Variants in TSNARE1 observed in about 807,000 individuals in gnomAD.
TSNARE1 encodes the protein t-SNARE domain containing 1.
In TSNARE1, 49 loss-of-function variants were observed where a neutral mutation model predicts 62.0. The ratio of observed to expected loss-of-function variants is 0.79; its 90% CI spans 0.63 to 1.00. The LOEUF is 1.00. Ranked by LOEUF, TSNARE1 falls within the 50% of genes least tolerant of loss-of-function variation. The probability of loss-of-function intolerance (pLI) is 0.00; values close to 1 mark genes in which losing one functional copy is unlikely to be tolerated. For synonymous variants in TSNARE1, 328 were observed against 294.4 expected (o/e 1.11, Z -1.17); for missense variants, 755 against 700.1 (o/e 1.08, Z -0.88).
chr8:142,327,598 G>C (rs1467851912), intron 6 of TSNARE1, among the ~76,000 whole-genome samples: 1 of 152,198 alleles, frequency 6.6e-6, no homozygotes, highest in Non-Finnish European at 1.5e-5. Flanking sequence ...TTCACACCCT[G>C]CTGGCCACCC....
rs766508125 is a variant in TSNARE1 at position 142,300,597 on chromosome 8, A to G, written c.1179T>C (p.Phe393=). The G allele has an allele frequency of 6.2e-7, 1 of 1,613,692 alleles. No individual in the cohort carries two copies. The highest frequency in any genetic ancestry group is 1.1e-5 in the South Asian group (1 of 91,070). The change falls in exon 10 of 14, where the codon TTT becomes TTC. Residue 393 remains phenylalanine (F), a synonymous_variant. Coordinates refer to ENST00000524325, the MANE Select transcript of TSNARE1 (RefSeq NM_145003.5). ...FAELADDEKV[F]NGSDNMWQGQ... ...CCTGCCACATGTTGTCACTCCCGTT[A>G]AAGACCTTCTCATCATCAGCCAGCT...
At chr8:142,271,291 A>ATCGGCCAGACGCTGGCTCTGC in intron 12 of TSNARE1, 1 of 1,074,964 alleles carries the variant, frequency 9.3e-7, no homozygotes, top group South Asian at 4.4e-5. Flanking sequence ...CCTCCACGCC[A>ATCGGCCAGACGCTGGCTCTGC]TCGGCCAGAC....
chr8:142,333,751 G>A (rs751195719), intron 4 of TSNARE1, among the ~76,000 whole-genome samples: 11 of 152,276 alleles, frequency 7.2e-5, no homozygotes, highest in African/African-American at 2.6e-4. Flanking sequence ...CACACTTTCC[G>A]TCCAGCTACC....
intron 1 of TSNARE1, among the ~76,000 whole-genome samples, chr8:142,399,420 G>A (rs1838130302): frequency 6.6e-6 from 1 of 152,240 alleles, no homozygotes; most frequent in African/African-American, 2.4e-5. Flanking sequence ...ACAGGGAGGT[G>A]TGGAAAGGTA....
intron 12 of TSNARE1, among the ~76,000 whole-genome samples, chr8:142,272,303 TTCC>T (rs1343355710): frequency 7.1e-6 from 1 of 141,438 alleles, no homozygotes; most frequent in Non-Finnish European, 1.5e-5. Context: ...CATCTACACC[TTCC>T]TCCATCTACC....
chr8:142,301,208 A>G (rs1563864031), intron 9 of TSNARE1, among the ~76,000 whole-genome samples: 1 of 118,806 alleles, frequency 8.4e-6, no homozygotes, highest in Non-Finnish European at 1.7e-5. Flanking sequence ...TCCCGTCAGG[A>G]GCCCGGCCAC....
chr8:142,287,182 G>A (rs1822904714), intron 10 of TSNARE1, among the ~76,000 whole-genome samples: 1 of 150,402 alleles, frequency 6.6e-6, no homozygotes, highest in Non-Finnish European at 1.5e-5. Flanking sequence ...CCAGGTCGTG[G>A]AACCCAGGAC....
intron 11 of TSNARE1, among the ~76,000 whole-genome samples, chr8:142,283,039 A>G (rs1178113448): frequency 2.7e-5 from 4 of 146,180 alleles, no homozygotes; most frequent in African/African-American, 5.3e-5. Flanking sequence ...GCCAATGAGC[A>G]GAGGCGGGAC....
At chr8:142,337,902 G>A (rs1242469876) in intron 4 of TSNARE1, among the ~76,000 whole-genome samples, 1 of 152,214 alleles carries the variant, frequency 6.6e-6, no homozygotes, top group Non-Finnish European at 1.5e-5. Context: ...TGAAGACCCT[G>A]GCTTCACAGG....
At chr8:142,283,162 G>A (rs1821961884) in intron 11 of TSNARE1, among the ~76,000 whole-genome samples, 1 of 151,382 alleles carries the variant, frequency 6.6e-6, no homozygotes, top group Non-Finnish European at 1.5e-5. Context: ...AGCAGAGGTG[G>A]GGCCAGTGTC....
chr8:142,350,737 G>C (rs539832985), intron 2 of TSNARE1, among the ~76,000 whole-genome samples: 1 of 152,168 alleles, frequency 6.6e-6, no homozygotes, highest in African/African-American at 2.4e-5. Context: ...ACAATAAAAA[G>C]GGTTTAGCAA....
intron 11 of TSNARE1, chr8:142,278,774 G>C (rs895247735): frequency 1.0e-6 from 1 of 985,450 alleles, no homozygotes; most frequent in Non-Finnish European, 1.2e-6. Flanking sequence ...AGAGTCACCG[G>C]ACAGCACCAC....
rs898259381 is a variant in TSNARE1 at position 142,269,589 on chromosome 8, A to G, written c.1446+5192T>C. On this transcript the variant is annotated intron_variant, in intron 12 of 13. Coordinates refer to ENST00000524325, the MANE Select transcript of TSNARE1 (RefSeq NM_145003.5). ...AGTGATCTTCCTGCCTCAGCCTCCC[A>G]AAGTGCTGTGATTACAGGCATGAGC... 2.1e-5 allele frequency: 21 copies of G among 984,884 alleles called. No homozygotes were observed. The South Asian group carries it at 8.0e-4, about 37-fold the overall frequency. 61.0% of individuals were successfully genotyped at this position (984,884 alleles called of 1,614,324 possible). A position where few individuals can be genotyped will look rare whatever the true frequency, so the allele number is the denominator to read the frequency against.
chr8:142,247,984 G>T (rs1817974849), intron 12 of TSNARE1: 1 of 152,294 alleles, frequency 6.6e-6, no homozygotes, highest in Admixed American at 6.5e-5. Context: ...ATGAATTTTG[G>T]GGGCTAGGTA....
At chr8:142,354,243 A>G (rs552977917) in intron 2 of TSNARE1, among the ~76,000 whole-genome samples, 110 of 152,252 alleles carry the variant, frequency 7.2e-4, no homozygotes, top group Admixed American at 3.6e-3. Flanking sequence ...TGAGAGCCCC[A>G]GGGGCCTCAG....
chr8:142,340,103 G>C (rs1272477640), intron 4 of TSNARE1, among the ~76,000 whole-genome samples: 1 of 152,246 alleles, frequency 6.6e-6, no homozygotes, highest in Non-Finnish European at 1.5e-5. Context: ...CAGGAAGGCG[G>C]ACGGCATCAG....
intron 1 of TSNARE1, among the ~76,000 whole-genome samples, chr8:142,398,034 C>A (rs991151843): frequency 5.9e-5 from 9 of 152,158 alleles, no homozygotes; most frequent in Admixed American, 5.9e-4. Context: ...CCCTCACAGG[C>A]TGACCCGAGT....
In TSNARE1 at chr8:142,331,792, TGG is replaced by T. The variant is rs1831085162; in HGVS notation, c.783_784del (p.Phe261LeufsTer29). 1.9e-6 allele frequency: 3 copies of T among 1,608,286 alleles called. No individual in the cohort carries two copies. Among genetic ancestry groups the T allele is most frequent in the Non-Finnish European group, 2.5e-6 (3 of 1,177,494 alleles). On this transcript the variant is annotated frameshift_variant, in exon 5 of 14. Coordinates refer to ENST00000524325, the MANE Select transcript of TSNARE1 (RefSeq NM_145003.5). LOFTEE classifies it high-confidence loss of function. ...TCGGAAGACGTTGGCCGACATCTCC[TGG>T]AACAGCTCCTGGAGGTTGCACGGAT...
chr8:142,236,216 A>C (rs1212377818), intron 12 of TSNARE1, among the ~76,000 whole-genome samples: 1 of 152,050 alleles, frequency 6.6e-6, no homozygotes, highest in Non-Finnish European at 1.5e-5. Flanking sequence ...CAAAAATGCA[A>C]AGAGGGAAGC....
Sources: gnomAD v4.1 joint callset for allele counts (sites outside exome capture counted in the v4.1 genomes callset) on GRCh38, gnomAD v4.1.1 for gene constraint, MANE v1.5 for transcripts, NCBI Gene and HGNC (gene_info 2026-07-23, HGNC 2026-07-21) for gene names.